Variants in TTC29 observed in about 807,000 individuals in gnomAD.
The protein encoded by TTC29 is tetratricopeptide repeat domain 29.
In TTC29, 49 loss-of-function variants were observed where a neutral mutation model predicts 58.1. The ratio of observed to expected loss-of-function variants is 0.84; its 90% CI spans 0.67 to 1.07. The LOEUF (loss-of-function observed/expected upper bound fraction) is 1.07, where lower values mean the gene tolerates loss of function less well. Ranked by LOEUF, TTC29 falls within the 50% of genes least tolerant of loss-of-function variation. The probability of loss-of-function intolerance (pLI) is 0.00; values close to 1 mark genes in which losing one functional copy is unlikely to be tolerated. For synonymous variants in TTC29, 209 were observed against 196.8 expected, an observed-to-expected ratio of 1.06 and a Z score of -0.52; for missense variants, 582 against 555.6, an observed-to-expected ratio of 1.05 and a Z score of -0.48.
At chr4:146,845,769 T>A (rs974508842) in intron 8 of TTC29, among the ~76,000 whole-genome samples, 2 of 152,058 alleles carry the variant, frequency 1.3e-5, no homozygotes, top group Non-Finnish European at 2.9e-5. Flanking sequence ...GCTGCCTGCA[T>A]TGTTCTTTCT....
At chr4:146,904,044 G>A (rs904207205) in intron 5 of TTC29, among the ~76,000 whole-genome samples, 1 of 152,150 alleles carries the variant, frequency 6.6e-6, no homozygotes, top group Non-Finnish European at 1.5e-5. Flanking sequence ...AACATGCTGA[G>A]TGCTTTTGGA....
chr4:146,923,397 T>C (rs1734724475), intron 4 of TTC29, among the ~76,000 whole-genome samples: 1 of 151,516 alleles, frequency 6.6e-6, no homozygotes, highest in African/African-American at 2.4e-5. Flanking sequence ...TATCTCAGAA[T>C]TGGAAGAATA....
chr4:146,792,536 G>A (rs992875752), intron 11 of TTC29, among the ~76,000 whole-genome samples: 1 of 152,024 alleles, frequency 6.6e-6, no homozygotes, highest in African/African-American at 2.4e-5. Flanking sequence ...GAGATTATAG[G>A]CACCCAAGAT....
intron 7 of TTC29, among the ~76,000 whole-genome samples, chr4:146,871,959 G>T (rs1035754718): frequency 9.9e-5 from 15 of 151,892 alleles, no homozygotes; most frequent in African/African-American, 3.1e-4. Flanking sequence ...ACTTGAAAAA[G>T]AACAGTATTA....
intron 4 of TTC29, among the ~76,000 whole-genome samples, chr4:146,915,815 C>A (rs923803057): frequency 1.3e-5 from 2 of 151,536 alleles, no homozygotes; most frequent in Admixed American, 6.6e-5. Flanking sequence ...CAAGATGAAG[C>A]TTTACAGTCA....
intron 9 of TTC29, among the ~76,000 whole-genome samples, chr4:146,829,472 C>T (rs543772667): frequency 1.3e-5 from 2 of 152,174 alleles, no homozygotes; most frequent in Admixed American, 6.5e-5. Context: ...GTTTGTGGGC[C>T]ACAGATGAAA....
At chr4:146,868,620 C>A (rs187027711) in intron 7 of TTC29, among the ~76,000 whole-genome samples, 1 of 152,218 alleles carries the variant, frequency 6.6e-6, no homozygotes, top group African/African-American at 2.4e-5. Context: ...CATGGTTCAA[C>A]ATGACATACC....
intron 4 of TTC29, among the ~76,000 whole-genome samples, chr4:146,913,504 G>A (rs1280672131): frequency 2.7e-5 from 3 of 112,294 alleles, no homozygotes; most frequent in African/African-American, 1.0e-4. Flanking sequence ...GGAAATTCAG[G>A]GACTCCCTAG....
intron 11 of TTC29, among the ~76,000 whole-genome samples, chr4:146,712,612 AC>A (rs558879857): frequency 1.7e-3 from 257 of 152,192 alleles, no homozygotes; most frequent in African/African-American, 6.0e-3. Context: ...GCCTTTAGCT[AC>A]CCACTTGATA....
At chr4:146,903,865 A>T in intron 5 of TTC29, 136 bp from the exon 6 acceptor site, 1 of 519,258 alleles carries the variant, frequency 1.9e-6, no homozygotes, top group African/African-American at 2.0e-5. Context: ...TTGGGTCTAA[A>T]AGCAAAAATT....
chr4:146,940,015 T>C, intron 2 of TTC29, 114 bp from the exon 3 acceptor site: 1 of 973,078 alleles, frequency 1.0e-6, no homozygotes, highest in Non-Finnish European at 1.5e-6. Context: ...TGCCTATGTG[T>C]AGTGCTACAG....
intron 8 of TTC29, among the ~76,000 whole-genome samples, chr4:146,862,272 T>C (rs113295563): frequency 2.0e-5 from 3 of 150,208 alleles, no homozygotes; most frequent in African/African-American, 7.3e-5. Context: ...TATATATACA[T>C]ATACACACAA....
At chr4:146,801,733 T>C (rs1750234676) in intron 11 of TTC29, among the ~76,000 whole-genome samples, 1 of 151,656 alleles carries the variant, frequency 6.6e-6, no homozygotes. Context: ...TCCCAGCAGT[T>C]TGGGAGGCCA....
chr4:146,876,908 C>A (rs1220800389), intron 6 of TTC29, among the ~76,000 whole-genome samples: 3 of 148,506 alleles, frequency 2.0e-5, no homozygotes, highest in Non-Finnish European at 4.4e-5. Context: ...TGCACTCCAG[C>A]CTGTCAACAG....
chr4:146,904,767 T>C (rs10032539), intron 5 of TTC29, among the ~76,000 whole-genome samples: 69,884 of 151,850 alleles, frequency 0.46, 16,708 homozygotes, highest in African/African-American at 0.57. Context: ...CACATATTCC[T>C]GAAGAGATTA....
At chr4:146,866,232 T>C (rs1374440771) in intron 8 of TTC29, among the ~76,000 whole-genome samples, 1 of 152,190 alleles carries the variant, frequency 6.6e-6, no homozygotes, top group East Asian at 1.9e-4. Flanking sequence ...AGAATATCTA[T>C]GAGCTAGTTT....
intron 6 of TTC29, among the ~76,000 whole-genome samples, chr4:146,882,486 C>T (rs1007207104): frequency 6.6e-6 from 1 of 151,986 alleles, no homozygotes; most frequent in African/African-American, 2.4e-5. Context: ...CTTTAATGTT[C>T]CCACCTTATC....
intron 10 of TTC29, among the ~76,000 whole-genome samples, chr4:146,804,080 G>A (rs1253702032): frequency 6.6e-6 from 1 of 152,154 alleles, no homozygotes; most frequent in Admixed American, 6.5e-5. Context: ...TAGACAGTGG[G>A]TGCAGCCCAT....
chr4:146,729,429 G>A lies in TTC29; in HGVS notation c.1331-21878C>T, dbSNP rs182401481. ...TTGTGACATTTGAAGACTTTTTTCC[G>A]AGTTCATTTTTATCTTTTAAACTTG... On this transcript the variant is annotated intron_variant, in intron 11 of 12. Transcript: ENST00000325106. 1.4e-4 allele frequency among the ~76,000 whole-genome samples: 21 copies of A among 152,058 alleles called. No individual in the cohort carries two copies. The East Asian group carries it at 2.3e-3, about 17-fold the overall frequency.
Sources: allele counts gnomAD v4.1 joint callset (sites outside exome capture counted in the v4.1 genomes callset), GRCh38; gene constraint gnomAD v4.1.1; transcripts MANE v1.5; gene names NCBI Gene and HGNC (gene_info 2026-07-23, HGNC 2026-07-21).